The following CACNA1E variants were observed in gnomAD, a reference collection of about 807,000 sequenced individuals.
The protein encoded by CACNA1E is calcium voltage-gated channel subunit alpha1 E.
Under a neutral mutation model 259.2 loss-of-function variants are expected in CACNA1E, and 40 were observed. That is an observed-to-expected ratio of 0.15 (90% CI 0.12 to 0.20). The LOEUF (loss-of-function observed/expected upper bound fraction) is 0.20. Among genes scored for constraint, CACNA1E ranks in the 10% least tolerant of loss-of-function variants. CACNA1E has a pLI of 1.00. For missense variants in CACNA1E, 1,874 were observed against 3,040.1 expected, an observed-to-expected ratio of 0.62 and a Z score of 9.02; for synonymous variants, 1,104 against 1,138.5, an observed-to-expected ratio of 0.97 and a Z score of 0.61.
chr1:181,687,309 CTT>C (rs1338304269), intron 7 of CACNA1E, among the ~76,000 whole-genome samples: 1 of 152,144 alleles, frequency 6.6e-6, no homozygotes, highest in Non-Finnish European at 1.5e-5. Context: ...ATCTATGACT[CTT>C]TATGCCTTGG....
intron 3 of CACNA1E, among the ~76,000 whole-genome samples, chr1:181,572,899 G>T (rs1348335415): frequency 1.3e-5 from 2 of 152,100 alleles, no homozygotes; most frequent in Non-Finnish European, 2.9e-5. Flanking sequence ...TGTGGCCTTA[G>T]AATGAAGGGA....
chr1:181,421,464 AC>A (rs1467761591), intron 2 of CACNA1E, among the ~76,000 whole-genome samples: 1 of 152,004 alleles, frequency 6.6e-6, no homozygotes. Context: ...TCTGCAGATG[AC>A]TCTCAAATGT....
At chr1:181,781,309 A>G (rs1032139578) in intron 38 of CACNA1E, 118 bp from the exon 39 acceptor site, 2 of 641,852 alleles carry the variant, frequency 3.1e-6, no homozygotes, top group African/African-American at 3.6e-5. Context: ...GCTCTCTGGG[A>G]ATGCCTATTC....
At chr1:181,422,537 T>C (rs1178456208) in intron 2 of CACNA1E, among the ~76,000 whole-genome samples, 1 of 152,212 alleles carries the variant, frequency 6.6e-6, no homozygotes. Context: ...TTACAGGTTG[T>C]ATGAGAACTG....
chr1:181,692,487 G>C (rs555705330), intron 7 of CACNA1E, among the ~76,000 whole-genome samples: 1 of 152,202 alleles, frequency 6.6e-6, no homozygotes, highest in African/African-American at 2.4e-5. Flanking sequence ...AGGGAACCCA[G>C]GCATAAGGCT....
Position 181,378,506 on chromosome 1 carries a change from G to T in CACNA1E, c.-14-34627G>T, listed in dbSNP as rs571488320. Among the ~76,000 whole-genome samples the T allele has an allele frequency of 2.0e-5, 3 of 152,332 alleles. No homozygotes were observed. In the East Asian group the frequency reaches 5.8e-4, roughly 29 times the overall value. On this transcript the variant is annotated intron_variant, in intron 1 of 11. Transcript: ENST00000524607. ...GCCCAGGGAGACCAAAGAGATTAGA[G>T]TTTACAGGACAAAGTGACAGACAGG...
chr1:181,641,703 G>GTTTTTTTTTTTTTTTTTTTTTT (rs751082929), intron 6 of CACNA1E, among the ~76,000 whole-genome samples: 2 of 81,114 alleles, frequency 2.5e-5, no homozygotes, highest in African/African-American at 4.4e-5. Context: ...CTAATTTTTT[G>GTTTTTTTTTTTTTTTTTTTTTT]TTTTTTTTTT....
At chr1:181,640,813 T>C (rs1200658184) in intron 6 of CACNA1E, among the ~76,000 whole-genome samples, 4 of 152,208 alleles carry the variant, frequency 2.6e-5, no homozygotes, top group Non-Finnish European at 4.4e-5. Flanking sequence ...AGGTTTCTAA[T>C]CTCCTATTAG....
chr1:181,344,373 T>A (rs1652422740), intron 1 of CACNA1E, among the ~76,000 whole-genome samples: 1 of 152,200 alleles, frequency 6.6e-6, no homozygotes. Context: ...TCTACAAGGA[T>A]CCTGTCTTGG....
intron 1 of CACNA1E, among the ~76,000 whole-genome samples, chr1:181,412,006 C>T (rs777233851): frequency 6.6e-6 from 1 of 152,274 alleles, no homozygotes; most frequent in Non-Finnish European, 1.5e-5. Flanking sequence ...CTGCCTCTTC[C>T]ATGAGGATGA....
intron 1 of CACNA1E, among the ~76,000 whole-genome samples, chr1:181,394,557 A>C (rs1282160108): frequency 1.3e-5 from 2 of 152,172 alleles, no homozygotes; most frequent in Non-Finnish European, 2.9e-5. Context: ...ACAATACACT[A>C]TCATAAACAA....
rs74328520 is a variant in CACNA1E at position 181,685,181 on chromosome 1, T to A, written c.1056-25773T>A. On this transcript the variant is annotated intron_variant, in intron 7 of 47. Coordinates refer to ENST00000367573, the MANE Select transcript of CACNA1E (RefSeq NM_001205293.3). ...AGGAGCATGCTTACAAAGGAAACATTTTTTTTTTTTTTTTTGCCTTGCCTA... is the reference window on the plus strand; with the variant it reads ...AGGAGCATGCTTACAAAGGAAACATATTTTTTTTTTTTTTTGCCTTGCCTA... 6.2e-4 allele frequency among the ~76,000 whole-genome samples: 12 copies of A among 19,468 alleles called. No individual in the cohort carries two copies. The South Asian group carries it at 0.015, about 24-fold the overall frequency. The allele number at this position is 19,468 out of a possible 152,430, so 12.8% of individuals were successfully genotyped here. A position where few individuals can be genotyped will look rare whatever the true frequency, so the allele number is the denominator to read the frequency against.
chr1:181,558,673 T>G (rs986035619), intron 3 of CACNA1E, among the ~76,000 whole-genome samples: 1 of 152,126 alleles, frequency 6.6e-6, no homozygotes, highest in African/African-American at 2.4e-5. Context: ...GAAGACAAGG[T>G]GGAAGACAGA....
intron 10 of CACNA1E, among the ~76,000 whole-genome samples, chr1:181,716,656 C>A (rs74127828): frequency 1.3e-5 from 2 of 152,134 alleles, no homozygotes; most frequent in Non-Finnish European, 2.9e-5. Flanking sequence ...TTTTTCCTCC[C>A]CAGAAAAAGG....
intron 37 of CACNA1E, among the ~76,000 whole-genome samples, chr1:181,773,706 C>T (rs527465727): frequency 6.6e-6 from 1 of 152,298 alleles, no homozygotes; most frequent in Non-Finnish European, 1.5e-5. Flanking sequence ...TTCCAGGAAT[C>T]GGTGCTCACT....
At chr1:181,499,265 GT>G (rs1476809257) in intron 1 of CACNA1E, among the ~76,000 whole-genome samples, 2 of 152,218 alleles carry the variant, frequency 1.3e-5, no homozygotes, top group African/African-American at 4.8e-5. Flanking sequence ...GCCCTGAGAG[GT>G]AGCTCTTTGA....
At chr1:181,339,981 T>C (rs1047147147) in intron 1 of CACNA1E, among the ~76,000 whole-genome samples, 9 of 152,116 alleles carry the variant, frequency 5.9e-5, no homozygotes, top group African/African-American at 1.9e-4. Context: ...CAGTTGAATG[T>C]ATCAGTCTCT....
At chr1:181,597,202 AGAG>A (rs1334896492) in intron 6 of CACNA1E, among the ~76,000 whole-genome samples, 1 of 152,202 alleles carries the variant, frequency 6.6e-6, no homozygotes, top group African/African-American at 2.4e-5. Context: ...CCTGGCACTC[AGAG>A]GAGTTTATCA....
chr1:181,784,679 A>G lies in CACNA1E; in HGVS notation c.5489A>G (p.Gln1830Arg). The stretch of plus-strand genomic sequence containing the variant: ...ATTCTAGGTGGTGCAGACAGGCAGC[A>G]GCTAGACTCAGAGCTACAAAAGGAG... ...KIAKGGADRQ[Q>R]LDSELQKETL... The change falls in exon 41 of 48, where the codon CAG becomes CGG. Residue 1830 changes from glutamine to arginine, a missense_variant. Transcript: ENST00000367573. 2 of 1,579,942 alleles carry G rather than the reference A, an allele frequency of 1.3e-6. No individual in the cohort carries two copies. Among genetic ancestry groups the G allele is most frequent in the South Asian group, 1.2e-5 (1 of 86,010 alleles).
Sources: gnomAD v4.1 joint callset for allele counts (sites outside exome capture counted in the v4.1 genomes callset) on GRCh38, gnomAD v4.1.1 for gene constraint, MANE v1.5 for transcripts, NCBI Gene and HGNC (gene_info 2026-07-23, HGNC 2026-07-21) for gene names.